ADH1C: variants seen among roughly 807,000 people sequenced by gnomAD.
ADH1C encodes the protein alcohol dehydrogenase 1C (class I), gamma polypeptide, also known as alcohol dehydrogenase 1C.
In ADH1C, 26 loss-of-function variants were observed where a neutral mutation model predicts 35.0. That is an observed-to-expected ratio of 0.74 (90% CI 0.54 to 1.03). The LOEUF is 1.03. Among genes scored for constraint, ADH1C ranks in the 50% least tolerant of loss-of-function variants. The probability of loss-of-function intolerance (pLI) is 0.00; values close to 1 mark genes in which losing one functional copy is unlikely to be tolerated. For missense variants in ADH1C, 413 were observed against 465.4 expected (o/e 0.89, Z 1.04); for synonymous variants, 170 against 169.3 (o/e 1.00, Z -0.03).
intron 1 of ADH1C, among the ~76,000 whole-genome samples, chr4:99,348,986 C>A (rs1334490300): frequency 1.4e-5 from 2 of 143,012 alleles, no homozygotes; most frequent in Admixed American, 1.4e-4. Flanking sequence ...TTGTTTTTTT[C>A]TTGTAAATTT....
In ADH1C at chr4:99,342,846, A is replaced by G. The variant is rs757740439; in HGVS notation, c.777T>C (p.Thr259=). The G allele has an allele frequency of 1.2e-6, 2 of 1,614,016 alleles. No individual in the cohort carries two copies. Among genetic ancestry groups the G allele is most frequent in the Non-Finnish European group, 1.7e-6 (2 of 1,179,900 alleles). ...KPIQEVLKEM[T]DGGVDFSFEV... is the part of the protein sequence containing the mutation. ...CAAACGAAAAATCCACACCTCCATC[A>G]GTCATTTCCTTTAGCACTTCCTGAA... is the stretch of plus-strand genomic sequence containing the variant. Residue 259 remains threonine, a synonymous_variant, in exon 6 of 9, where the codon ACT becomes ACC. Transcript: ENST00000515683.
rs994858309 is a variant in ADH1C at position 99,339,511 on chromosome 4, C to T, written c.1103+66G>A. The T allele has an allele frequency of 3.1e-5, 16 of 511,748 alleles. 1 individual carries two copies. Among genetic ancestry groups the T allele is most frequent in the African/African-American group, 1.0e-4 (2 of 19,142 alleles). The allele number at this position is 511,748 out of a possible 1,614,324, so 31.7% of individuals were successfully genotyped here. ...CACCTTTTCATTCTCTGCTAGACAA[C>T]GCCCCCCCCCCCCCCGCCGCTACTG... On this transcript the variant is annotated intron_variant, in intron 8 of 8. Transcript: ENST00000515683.
At chr4:99,347,205 A>G in intron 2 of ADH1C, 61 bp from the exon 3 acceptor site, 1 of 1,551,242 alleles carries the variant, frequency 6.4e-7, no homozygotes, top group Non-Finnish European at 8.7e-7. Flanking sequence ...GATGGACTTA[A>G]CAAACCCAAT....
At chr4:99,339,820 A>G in intron 7 of ADH1C, 105 bp from the exon 8 acceptor site, 3 of 1,114,116 alleles carry the variant, frequency 2.7e-6, no homozygotes, top group Non-Finnish European at 4.0e-6. Flanking sequence ...GCTGCATTCC[A>G]GACTGCTATA....
chr4:99,336,542 T>G lies in ADH1C; in HGVS notation c.*210A>C. The G allele has an allele frequency of 1.6e-6, 1 of 644,316 alleles. No homozygotes were observed. Among genetic ancestry groups the G allele is most frequent in the Non-Finnish European group, 2.7e-6 (1 of 376,828 alleles). The allele number at this position is 644,316 out of a possible 1,614,324, so 39.9% of individuals were successfully genotyped here. ...TTGGCTTCAATTCCCCAGTTGATGT[T>G]CAACACTTTATTTAGTTCTCATTTG... is the stretch of plus-strand genomic sequence containing the variant. On this transcript the variant is annotated 3_prime_UTR_variant, in exon 9 of 9. Transcript: ENST00000515683.
At chr4:99,351,782 C>A (rs1221764674) in intron 1 of ADH1C, among the ~76,000 whole-genome samples, 1 of 152,086 alleles carries the variant, frequency 6.6e-6, no homozygotes, top group Non-Finnish European at 1.5e-5. Flanking sequence ...CCTAGCACAA[C>A]AAATGGCTGG....
intron 7 of ADH1C, 91 bp from the exon 8 acceptor site, chr4:99,339,806 A>G: frequency 7.7e-7 from 1 of 1,304,026 alleles, no homozygotes; most frequent in Non-Finnish European, 1.1e-6. Flanking sequence ...AGTTTAGAAA[A>G]AGTGCTGCAT....
chr4:99,348,644 T>G (rs2110662660), intron 1 of ADH1C, among the ~76,000 whole-genome samples: 1 of 151,054 alleles, frequency 6.6e-6, no homozygotes, highest in East Asian at 2.0e-4. Flanking sequence ...ATATACCCAG[T>G]AATGGGATGG....
intron 6 of ADH1C, among the ~76,000 whole-genome samples, chr4:99,342,014 A>C (rs1173428348): frequency 1.2e-4 from 7 of 57,340 alleles, no homozygotes; most frequent in Admixed American, 5.6e-4. Flanking sequence ...CTGTCTCAAA[A>C]AAAAAAAAAA....
rs79372027 is a variant in ADH1C, at chr4:99,345,000, G to A, written c.429C>T (p.Gly143=). ...CTGTGTACTGGGAGAAGGTGCTGACGCCGACGAAGTGGTGGATGGGCTTCC... is the reference window on the plus strand; with the variant it reads ...CTGTGTACTGGGAGAAGGTGCTGACACCGACGAAGTGGTGGATGGGCTTCC... ...CSGKPIHHFV[G]VSTFSQYTVV... is the part of the protein sequence containing the mutation. Residue 143 remains glycine, a synonymous_variant, in exon 5 of 9, where the codon GGC becomes GGT. Transcript: ENST00000515683. 3,128 of 1,614,148 alleles carry A rather than the reference G, an allele frequency of 1.9e-3. 6 individuals are homozygous for A. The highest frequency in any genetic ancestry group is 2.1e-3 in the Non-Finnish European group (2,429 of 1,180,022).
chr4:99,347,622 G>A (rs1734567787), intron 2 of ADH1C, 123 bp downstream of exon 2: 6 of 1,100,900 alleles, frequency 5.5e-6, no homozygotes, highest in Admixed American at 3.0e-5. Flanking sequence ...GACAACAAAT[G>A]TAATTTTATT....
At chr4:99,338,393 T>TTATATATA (rs1334509876) in intron 8 of ADH1C, among the ~76,000 whole-genome samples, 877 of 73,024 alleles carry the variant, frequency 0.012, 176 homozygotes, top group South Asian at 0.026. Flanking sequence ...GAATACTGTT[T>TTATATATA]TCTATATATA....
chr4:99,349,014 A>T (rs1332119852), intron 1 of ADH1C, among the ~76,000 whole-genome samples: 153 of 121,800 alleles, frequency 1.3e-3, no homozygotes, highest in Middle Eastern at 3.9e-3. Flanking sequence ...TTCATTGTAG[A>T]TTCTGGATAT....
chr4:99,345,437 G>A (rs1734510878), intron 3 of ADH1C, among the ~76,000 whole-genome samples, 171 bp from the exon 4 acceptor site: 1 of 152,188 alleles, frequency 6.6e-6, no homozygotes, highest in African/African-American at 2.4e-5. Context: ...TTGTTTTTTA[G>A]TTTGGGTTTA....
intron 7 of ADH1C, 37 bp downstream of exon 7, chr4:99,340,538 G>C (rs1734388002): frequency 6.2e-7 from 1 of 1,610,870 alleles, no homozygotes; most frequent in African/African-American, 1.3e-5. Flanking sequence ...AAATTCTTAG[G>C]TTAATGAGAA....
rs7658726 is a variant in ADH1C at position 99,337,337 on chromosome 4, C to A, written c.1104-561G>T. On this transcript the variant is annotated intron_variant, in intron 8 of 8. Transcript: ENST00000515683. ...TGCACAAATTATATAATGATAGATA[C>A]CTTGCCTGAAAGAACTGATAATTTA... Among the ~76,000 whole-genome samples the A allele has an allele frequency of 7.4e-4, 112 of 151,986 alleles. 2 individuals are homozygous for A. The highest frequency in any genetic ancestry group is 2.5e-3 in the African/African-American group (105 of 41,440).
chr4:99,338,873 T>C (rs1447966840), intron 8 of ADH1C, among the ~76,000 whole-genome samples: 1 of 151,838 alleles, frequency 6.6e-6, no homozygotes, highest in Non-Finnish European at 1.5e-5. Flanking sequence ...TTTCCAGTTA[T>C]GTCTCATATA....
intron 1 of ADH1C, among the ~76,000 whole-genome samples, chr4:99,350,368 A>G (rs1044163403): frequency 3.3e-5 from 5 of 152,186 alleles, no homozygotes; most frequent in Non-Finnish European, 5.9e-5. Context: ...TGCATGTGTC[A>G]CCCGAGCAGT....
intron 1 of ADH1C, among the ~76,000 whole-genome samples, chr4:99,350,238 GA>G (rs1487781798): frequency 1.2e-4 from 18 of 152,062 alleles, no homozygotes; most frequent in Non-Finnish European, 2.5e-4. Flanking sequence ...TGTGCTGAGT[GA>G]GTTACATGCA....
Sources: allele counts gnomAD v4.1 joint callset (sites outside exome capture counted in the v4.1 genomes callset), GRCh38; gene constraint gnomAD v4.1.1; transcripts MANE v1.5; gene names NCBI Gene and HGNC (gene_info 2026-07-23, HGNC 2026-07-21).